The following PADI4 variants were observed in gnomAD, a reference collection of about 807,000 sequenced individuals.
PADI4 encodes peptidyl arginine deiminase 4, also known as protein-arginine deiminase type-4.
PADI4 carries 62 observed loss-of-function variants against 75.0 expected under a neutral mutation model. The observed-to-expected ratio is 0.83, with a 90% CI of 0.67 to 1.02. PADI4 has a LOEUF of 1.02. Among genes scored for constraint, PADI4 ranks in the 50% least tolerant of loss-of-function variants. PADI4 has a pLI of 0.00. For synonymous variants in PADI4, 361 were observed against 348.1 expected (o/e 1.04, Z -0.41); for missense variants, 845 against 850.5 (o/e 0.99, Z 0.08).
chr1:17,332,499 C>T (rs971582314), intron 2 of PADI4, among the ~76,000 whole-genome samples: 2 of 152,180 alleles, frequency 1.3e-5, no homozygotes, highest in Non-Finnish European at 2.9e-5. Flanking sequence ...ATCCACTCAC[C>T]TCGGCCTCCC....
intron 5 of PADI4, among the ~76,000 whole-genome samples, chr1:17,338,427 C>A (rs1447062656): frequency 6.6e-6 from 1 of 152,284 alleles, no homozygotes; most frequent in Admixed American, 6.5e-5. Flanking sequence ...TGCTGCCCAA[C>A]CTAAACGCTC....
intron 1 of PADI4, among the ~76,000 whole-genome samples, chr1:17,319,720 C>G (rs1423688599): frequency 1.3e-5 from 2 of 152,136 alleles, no homozygotes; most frequent in Non-Finnish European, 1.5e-5. Context: ...TATTTACGGA[C>G]AGAAAAACGA....
chr1:17,320,168 G>A (rs764882268), intron 1 of PADI4, among the ~76,000 whole-genome samples: 5 of 152,204 alleles, frequency 3.3e-5, no homozygotes, highest in Non-Finnish European at 4.4e-5. Context: ...AGAGGTGCCC[G>A]CATTCCTTGG....
At chr1:17,334,405 C>T (rs1450546746) in intron 3 of PADI4, 3 of 460,966 alleles carry the variant, frequency 6.5e-6, no homozygotes, top group East Asian at 7.0e-5. Context: ...CAGGTTCAAG[C>T]GATCCTCCTG....
At chr1:17,327,552 T>A (rs1177377862) in intron 1 of PADI4, among the ~76,000 whole-genome samples, 1 of 151,874 alleles carries the variant, frequency 6.6e-6, no homozygotes, top group Non-Finnish European at 1.5e-5. Flanking sequence ...TTTACTTTTT[T>A]TTTTTTTGAG....
At position 17,336,210 on chromosome 1, in the gene PADI4, G is replaced by C. The variant is rs12733102; in HGVS notation, c.392G>C (p.Arg131Thr). The C allele has an allele frequency of 0.021, 34,220 of 1,613,548 alleles. 452 individuals are homozygous for C. Among genetic ancestry groups the C allele is most frequent in the Middle Eastern group, 0.032 (193 of 6,062 alleles). Residue 131 changes from arginine to threonine, a missense_variant, in exon 4 of 16, where the codon AGA becomes ACA. Coordinates refer to ENST00000375448, the MANE Select transcript of PADI4 (RefSeq NM_012387.3). ...ITRTGKVKPT[R>T]AVKDQRTWTW... Reference sequence around the variant, plus strand: ...CGCACCGGCAAAGTGAAGCCAACCAGAGCTGTGAAAGATCAGGTACCACTC... The same window carrying C: ...CGCACCGGCAAAGTGAAGCCAACCACAGCTGTGAAAGATCAGGTACCACTC...
rs574268502 is a variant in PADI4, at chr1:17,355,514, G to C, written c.1311-469G>C. ...TAGTGAGCCGAGATTGTGCCAGCCTGGGCAACAGAGCAAGACTCTGTCTCA... is the reference window on the plus strand; with the variant it reads ...TAGTGAGCCGAGATTGTGCCAGCCTCGGCAACAGAGCAAGACTCTGTCTCA... On this transcript the variant is annotated intron_variant, in intron 11 of 15. Coordinates refer to ENST00000375448, the MANE Select transcript of PADI4 (RefSeq NM_012387.3). 3.4e-5 allele frequency among the ~76,000 whole-genome samples: 5 copies of C among 148,876 alleles called. No homozygotes were observed. The South Asian group carries it at 8.5e-4, about 25-fold the overall frequency.
At position 17,346,649 on chromosome 1, in the gene PADI4, C is replaced by G. The variant is rs753594798; in HGVS notation, c.1047+510C>G. ...CCAGTCTCTGTTTCCGTGCCACTCC[C>G]CCATCATGCCAGGAGTGCCCCAAGG... On this transcript the variant is annotated intron_variant, in intron 9 of 15. Transcript: ENST00000375448. The surrounding 1 kb of genome is among the most constrained non-coding windows in gnomAD (Gnocchi z 4.3). Among the ~76,000 whole-genome samples the G allele has an allele frequency of 2.0e-5, 3 of 152,136 alleles. No homozygotes were observed. Among genetic ancestry groups the G allele is most frequent in the Non-Finnish European group, 4.4e-5 (3 of 68,024 alleles).
At chr1:17,337,959 G>A in intron 4 of PADI4, 79 bp from the exon 5 acceptor site, 1 of 639,190 alleles carries the variant, frequency 1.6e-6, no homozygotes, top group East Asian at 2.8e-5. Context: ...AGAGGTGATG[G>A]GGAGTTGCTA....
At chr1:17,325,913 A>G (rs1044981025) in intron 1 of PADI4, among the ~76,000 whole-genome samples, 4 of 152,208 alleles carry the variant, frequency 2.6e-5, no homozygotes, top group African/African-American at 9.6e-5. Flanking sequence ...CACGTTGGCC[A>G]GGCTGGTCTC....
intron 8 of PADI4, among the ~76,000 whole-genome samples, chr1:17,343,370 T>C (rs1570057616): frequency 6.6e-6 from 1 of 152,130 alleles, no homozygotes; most frequent in Non-Finnish European, 1.5e-5. Context: ...ACAAGTGTGC[T>C]GGGGTCTCAG....
intron 10 of PADI4, among the ~76,000 whole-genome samples, chr1:17,353,423 A>G (rs954250092): frequency 1.3e-5 from 2 of 152,034 alleles, no homozygotes; most frequent in African/African-American, 2.4e-5. Flanking sequence ...TGAAGAAGTA[A>G]ATTTGAAGAT....
At position 17,342,066 on chromosome 1, in the gene PADI4, C is replaced by T. The variant is rs1414116473; in HGVS notation, c.776C>T (p.Thr259Ile). 2 of 1,614,112 alleles carry T rather than the reference C, an allele frequency of 1.2e-6. No homozygotes were observed. The highest frequency in any genetic ancestry group is 1.7e-6 in the Non-Finnish European group (2 of 1,179,982). The change falls in exon 7 of 16, where the codon ACC (threonine) becomes ATC (isoleucine). Residue 259 changes from threonine (T) to isoleucine (I), a missense_variant. Coordinates refer to ENST00000375448, the MANE Select transcript of PADI4 (RefSeq NM_012387.3). Reference sequence around the variant, plus strand: ...GTGGAGGCCCTCGCTTTCCCGGACACCGACTTCCCGGGGCTCATTACCCTC... The same window carrying T: ...GTGGAGGCCCTCGCTTTCCCGGACATCGACTTCCCGGGGCTCATTACCCTC... ...FYVEALAFPD[T>I]DFPGLITLTI...
intron 10 of PADI4, among the ~76,000 whole-genome samples, chr1:17,354,141 T>A (rs1476702168): frequency 6.6e-6 from 1 of 151,520 alleles, no homozygotes; most frequent in Admixed American, 6.6e-5. Context: ...TCCCAGCTAC[T>A]CAGGAGGCTG....
At chr1:17,322,577 C>T (rs1310930303) in intron 1 of PADI4, among the ~76,000 whole-genome samples, 2 of 152,092 alleles carry the variant, frequency 1.3e-5, no homozygotes, top group Admixed American at 6.5e-5. Flanking sequence ...TTGGGGCCCA[C>T]AGGGAATTTC....
intron 1 of PADI4, among the ~76,000 whole-genome samples, chr1:17,319,555 A>G (rs2073999019): frequency 6.6e-6 from 1 of 152,160 alleles, no homozygotes; most frequent in Non-Finnish European, 1.5e-5. Context: ...TCAAAGACAG[A>G]GGGTGTATTA....
chr1:17,315,611 G>T (rs187808000), intron 1 of PADI4, among the ~76,000 whole-genome samples: 287 of 152,034 alleles, frequency 1.9e-3, no homozygotes, highest in Non-Finnish European at 3.0e-3. Context: ...CTGGGACATG[G>T]TTTTTTGCTT....
chr1:17,320,614 C>T lies in PADI4; in HGVS notation c.93-10355C>T, dbSNP rs537973296. Among the ~76,000 whole-genome samples, 16 of 152,208 alleles carry T rather than the reference C, an allele frequency of 1.1e-4. No individual in the cohort carries two copies. In the South Asian group the frequency reaches 3.3e-3, roughly 32 times the overall value. On this transcript the variant is annotated intron_variant, in intron 1 of 15. Coordinates refer to ENST00000375448, the MANE Select transcript of PADI4 (RefSeq NM_012387.3). ...ATAGTATCCGTAAACTGTCATGACG[C>T]TGGTGGGAGTGTCTTTTAGCATGCT...
intron 1 of PADI4, among the ~76,000 whole-genome samples, chr1:17,314,864 C>A (rs2073904463): frequency 6.6e-6 from 1 of 152,256 alleles, no homozygotes. Context: ...ACCACAAGCA[C>A]ATGCTGTGCC....
Sources: gnomAD v4.1 joint callset for allele counts (sites outside exome capture counted in the v4.1 genomes callset) on GRCh38, gnomAD v4.1.1 for gene constraint, Gnocchi (gnomAD v3.1) non-coding constraint, MANE v1.5 for transcripts, NCBI Gene and HGNC (gene_info 2026-07-23, HGNC 2026-07-21) for gene names.